The following MYT1L variants were observed in gnomAD, a reference collection of about 807,000 sequenced individuals.
The protein encoded by MYT1L is myelin transcription factor 1 like, also known as myelin transcription factor 1-like protein.
In MYT1L, 12 loss-of-function variants were observed where a neutral mutation model predicts 126.7. The observed-to-expected ratio is 0.09, with a 90% CI of 0.06 to 0.15. The LOEUF (loss-of-function observed/expected upper bound fraction) is 0.15, where lower values mean the gene tolerates loss of function less well. Among genes scored for constraint, MYT1L ranks in the 10% least tolerant of loss-of-function variants. The pLI, the probability that MYT1L is intolerant of heterozygous loss-of-function variation, is 1.00. For synonymous variants in MYT1L, 541 were observed against 604.2 expected, an observed-to-expected ratio of 0.90 and a Z score of 1.53; for missense variants, 979 against 1,585.2, an observed-to-expected ratio of 0.62 and a Z score of 6.49.
chr2:1,970,124 G>C (rs1052210370), intron 8 of MYT1L, among the ~76,000 whole-genome samples: 5 of 152,182 alleles, frequency 3.3e-5, no homozygotes, highest in Non-Finnish European at 7.3e-5. Flanking sequence ...TGAAAGCGCT[G>C]TTCTCTTTGG....
At chr2:2,255,805 G>A (rs954877802) in intron 2 of MYT1L, among the ~76,000 whole-genome samples, 9 of 152,240 alleles carry the variant, frequency 5.9e-5, no homozygotes, top group Middle Eastern at 6.8e-3. Flanking sequence ...TTCTAGTCCC[G>A]CTGCTTTCTG....
intron 11 of MYT1L, among the ~76,000 whole-genome samples, chr2:1,914,801 T>A (rs1426572030): frequency 1.3e-5 from 2 of 152,216 alleles, no homozygotes; most frequent in Non-Finnish European, 2.9e-5. Flanking sequence ...TATCTCTGGA[T>A]GTTTCGTGAA....
chr2:1,888,613 TTTTC>T (rs1358258783), intron 16 of MYT1L, among the ~76,000 whole-genome samples: 3 of 152,336 alleles, frequency 2.0e-5, no homozygotes, highest in East Asian at 1.9e-4. Flanking sequence ...AAGAAAACAT[TTTTC>T]TTTATTTCTT....
At chr2:1,909,807 G>A (rs1255778877) in intron 13 of MYT1L, among the ~76,000 whole-genome samples, 2 of 152,160 alleles carry the variant, frequency 1.3e-5, no homozygotes, top group Non-Finnish European at 2.9e-5. Context: ...GCTTCCACAC[G>A]TGTGCACAGG....
At chr2:1,992,820 T>C (rs1397638980) in intron 5 of MYT1L, among the ~76,000 whole-genome samples, 2 of 152,218 alleles carry the variant, frequency 1.3e-5, no homozygotes, top group African/African-American at 2.4e-5. Flanking sequence ...TTTAAAATTA[T>C]GATTTAGGAG....
chr2:2,041,974 AT>A (rs1321441390), intron 4 of MYT1L, among the ~76,000 whole-genome samples: 4 of 152,200 alleles, frequency 2.6e-5, no homozygotes, highest in Non-Finnish European at 2.9e-5. Flanking sequence ...TACCAAAAAA[AT>A]CATCTTTAAG....
intron 2 of MYT1L, among the ~76,000 whole-genome samples, chr2:2,230,624 G>A (rs979065940): frequency 2.6e-5 from 4 of 152,122 alleles, no homozygotes; most frequent in Non-Finnish European, 5.9e-5. Context: ...CTACCCAGAC[G>A]CCACGCTGTG....
chr2:1,912,555 A>G lies in MYT1L; in HGVS notation c.1619-445T>C, dbSNP rs2052193981. 1.3e-5 allele frequency among the ~76,000 whole-genome samples: 2 copies of G among 152,214 alleles called. No individual in the cohort carries two copies. Among genetic ancestry groups the G allele is most frequent in the Non-Finnish European group, 2.9e-5 (2 of 68,044 alleles). On this transcript the variant is annotated intron_variant, in intron 11 of 24. Transcript: ENST00000647738. This position sits in a 1 kb window ranked among gnomAD's most constrained non-coding sequence, Gnocchi z 4.3. ...AACAACACAGAGGCTGGGGATTTTA[A>G]AAACATGCCTGTGCTTTGGAAACAC... is the stretch of plus-strand genomic sequence containing the variant.
chr2:2,176,419 G>A (rs952129987), intron 2 of MYT1L, among the ~76,000 whole-genome samples: 1 of 152,070 alleles, frequency 6.6e-6, no homozygotes, highest in Non-Finnish European at 1.5e-5. Context: ...AAAAAGGTTC[G>A]GGTCTACCTC....
At chr2:2,101,446 C>T (rs2078071747) in intron 3 of MYT1L, among the ~76,000 whole-genome samples, 1 of 152,096 alleles carries the variant, frequency 6.6e-6, no homozygotes, top group South Asian at 2.1e-4. Flanking sequence ...ATCCACTCAT[C>T]AATCTACCAC....
At chr2:2,322,355 T>C (rs1402681295) in intron 1 of MYT1L, among the ~76,000 whole-genome samples, 1 of 152,130 alleles carries the variant, frequency 6.6e-6, no homozygotes, top group Non-Finnish European at 1.5e-5. Context: ...TTAAAAATTT[T>C]GCCATGAAAG....
chr2:2,281,924 G>A (rs971562691), intron 2 of MYT1L, among the ~76,000 whole-genome samples: 3 of 152,156 alleles, frequency 2.0e-5, no homozygotes, highest in Non-Finnish European at 2.9e-5. Context: ...ACTTTTTAGC[G>A]GTAGGTGGCA....
intron 2 of MYT1L, among the ~76,000 whole-genome samples, chr2:2,226,372 A>G (rs1200459966): frequency 6.6e-6 from 1 of 152,164 alleles, no homozygotes; most frequent in African/African-American, 2.4e-5. Context: ...AGATGGATGG[A>G]ATATAATTCT....
intron 2 of MYT1L, among the ~76,000 whole-genome samples, chr2:2,182,122 A>C (rs2091601831): frequency 6.6e-6 from 1 of 151,584 alleles, no homozygotes; most frequent in East Asian, 2.0e-4. Flanking sequence ...AGCACGCCCC[A>C]CTCTGACCGC....
chr2:1,906,056 T>C (rs2051010258), intron 13 of MYT1L, among the ~76,000 whole-genome samples: 1 of 152,226 alleles, frequency 6.6e-6, no homozygotes, highest in African/African-American at 2.4e-5. Context: ...TTTATGATTA[T>C]TTTCATGATT....
rs2148852970 is a variant in MYT1L at position 1,889,356 on chromosome 2, G to A, written c.2405C>T (p.Ala802Val). 6.2e-7 allele frequency: 1 copy of A among 1,613,882 alleles called. No individual in the cohort carries two copies. Among genetic ancestry groups the A allele is most frequent in the South Asian group, 1.1e-5 (1 of 91,064 alleles). The change falls in exon 16 of 25, where the codon GCA (alanine) becomes GTA (valine). Residue 802 changes from alanine (A) to valine (V), a missense_variant. Around this residue, in one of 12 missense-constraint regions of MYT1L, gnomAD observed 141 missense variants for 170.6 expected, o/e 0.83. Coordinates refer to ENST00000647738, the MANE Select transcript of MYT1L (RefSeq NM_001303052.2). This position sits in a 1 kb window ranked among gnomAD's most constrained non-coding sequence, Gnocchi z 4.1. ...PLEPMSPQQQ[A>V]VMNNRCFQLG... is the part of the protein sequence containing the mutation. ...CTGGAAACACCGGTTGTTCATCACT[G>A]CCTGCTGCTGGGGGGACATGGGCTC...
At chr2:2,265,700 T>C (rs930250667) in intron 2 of MYT1L, among the ~76,000 whole-genome samples, 1 of 152,222 alleles carries the variant, frequency 6.6e-6, no homozygotes, top group Non-Finnish European at 1.5e-5. Context: ...TCCTTGTCTA[T>C]AAAATATGGA....
At position 2,122,462 on chromosome 2, in the gene MYT1L, C is replaced by T. The variant is rs146089559; in HGVS notation, c.-304+50410G>A. On this transcript the variant is annotated intron_variant, in intron 3 of 24. Transcript: ENST00000647738. ...TGCCTGTGTCTGGCATTAGACTACA[C>T]GAAGGGGTAGGAAAAAGCCCACCTT... Among the ~76,000 whole-genome samples the T allele has an allele frequency of 4.1e-3, 623 of 152,162 alleles. 4 individuals are homozygous for T. The highest frequency in any genetic ancestry group is 0.014 in the African/African-American group (590 of 41,526).
At chr2:1,996,627 C>T (rs1312882489) in intron 5 of MYT1L, among the ~76,000 whole-genome samples, 55 of 128,524 alleles carry the variant, frequency 4.3e-4, no homozygotes, top group African/African-American at 1.5e-3. Context: ...TGTACAGAAC[C>T]GAGTGTAGAC....
Sources: gnomAD v4.1 joint callset for allele counts (sites outside exome capture counted in the v4.1 genomes callset) on GRCh38, gnomAD v4.1.1 for gene constraint, gnomAD v4.1.1 regional missense constraint, Gnocchi (gnomAD v3.1) non-coding constraint, MANE v1.5 for transcripts, NCBI Gene and HGNC (gene_info 2026-07-23, HGNC 2026-07-21) for gene names.